Variants in LY96 observed in about 807,000 individuals in gnomAD.
The protein encoded by LY96 is lymphocyte antigen 96, also known as myeloid differentiation protein-2.
LY96 carries 18 observed loss-of-function variants against 18.9 expected under a neutral mutation model. The observed-to-expected ratio is 0.95, with a 90% CI of 0.66 to 1.41. LY96 has a LOEUF of 1.41. Among genes scored for constraint, LY96 ranks in the 40% most tolerant of loss-of-function variants. LY96 has a pLI of 0.00. For missense variants in LY96, 175 were observed against 182.4 expected, an observed-to-expected ratio of 0.96 and a Z score of 0.23; for synonymous variants, 66 against 62.6, an observed-to-expected ratio of 1.06 and a Z score of -0.26.
chr8:74,084,007 G>A, the LY96 span, among the ~76,000 whole-genome samples: 12 of 151,748 alleles, frequency 7.9e-5, no homozygotes, highest in Middle Eastern at 3.4e-3. Context: ...TAATCTACAG[G>A]TTTCCCCTCA....
At chr8:74,080,073 A>G in the LY96 span, among the ~76,000 whole-genome samples, 2 of 152,194 alleles carry the variant, frequency 1.3e-5, no homozygotes, top group Admixed American at 6.5e-5. Flanking sequence ...GAGTGGTGGC[A>G]TTGAACCTGA....
the LY96 span, among the ~76,000 whole-genome samples, chr8:74,049,750 G>A: frequency 6.6e-6 from 1 of 152,198 alleles, no homozygotes; most frequent in Non-Finnish European, 1.5e-5. Context: ...TATAATCTCT[G>A]TTTAGAATCT....
chr8:74,090,776 T>C, the LY96 span, among the ~76,000 whole-genome samples: 15 of 152,224 alleles, frequency 9.9e-5, no homozygotes, highest in Non-Finnish European at 2.9e-5. Context: ...ATAAGATTAG[T>C]TTCTCCAGCA....
intron 3 of LY96, among the ~76,000 whole-genome samples, chr8:74,013,858 T>A (rs931019987): frequency 1.3e-5 from 2 of 152,092 alleles, no homozygotes; most frequent in South Asian, 2.1e-4. Flanking sequence ...AGTGTGAGCA[T>A]GTAACTCATG....
At chr8:74,016,264 C>A (rs1040682542) in intron 3 of LY96, among the ~76,000 whole-genome samples, 1 of 152,218 alleles carries the variant, frequency 6.6e-6, no homozygotes, top group Non-Finnish European at 1.5e-5. Flanking sequence ...TCACTGCTAG[C>A]ACAGCAGTCC....
the LY96 span, among the ~76,000 whole-genome samples, chr8:74,041,219 G>A: frequency 6.6e-6 from 1 of 152,080 alleles, no homozygotes; most frequent in African/African-American, 2.4e-5. Context: ...ACATTTCTCA[G>A]TTCCCCAAAT....
At chr8:73,998,563 G>C (rs1586646545) in intron 1 of LY96, among the ~76,000 whole-genome samples, 1 of 152,032 alleles carries the variant, frequency 6.6e-6, no homozygotes, top group African/African-American at 2.4e-5. Context: ...TGCACCTGTA[G>C]TACTAGCGAC....
the LY96 span, among the ~76,000 whole-genome samples, chr8:74,085,759 CAAAT>C: frequency 6.6e-6 from 1 of 152,012 alleles, no homozygotes; most frequent in South Asian, 2.1e-4. Flanking sequence ...GTATAATTGA[CAAAT>C]AAAATTGTGA....
chr8:74,075,014 A>G, the LY96 span, among the ~76,000 whole-genome samples: 1 of 152,180 alleles, frequency 6.6e-6, no homozygotes, highest in Admixed American at 6.5e-5. Flanking sequence ...ATTCTATAGC[A>G]TAGATTAAGT....
At chr8:74,015,853 G>C (rs1430726502) in intron 3 of LY96, among the ~76,000 whole-genome samples, 2 of 152,196 alleles carry the variant, frequency 1.3e-5, no homozygotes, top group Non-Finnish European at 2.9e-5. Flanking sequence ...TGTGGGCAAA[G>C]CTTCAAGCTA....
intron 1 of LY96, among the ~76,000 whole-genome samples, chr8:73,995,189 C>T (rs1161690801): frequency 8.5e-5 from 13 of 152,312 alleles, no homozygotes; most frequent in East Asian, 7.7e-4. Flanking sequence ...ACAGCAAGAA[C>T]GCCCTTGTCA....
At chr8:73,995,685 G>A (rs531645531) in intron 1 of LY96, among the ~76,000 whole-genome samples, 1 of 152,128 alleles carries the variant, frequency 6.6e-6, no homozygotes, top group Admixed American at 6.5e-5. Context: ...TTAGGCACAT[G>A]CTTTCCTATG....
Position 74,015,630 on chromosome 8 carries a change from T to G in LY96, c.331+5501T>G, listed in dbSNP as rs193224483. 3.3e-5 allele frequency among the ~76,000 whole-genome samples: 5 copies of G among 152,350 alleles called. No individual in the cohort carries two copies. The East Asian group carries it at 9.7e-4, about 29-fold the overall frequency. ...TAAATAAGGTCATGTTCACAGGCACTGGAGGTTAGGGCTTCAACATATCTT... is the reference window on the plus strand; with the variant it reads ...TAAATAAGGTCATGTTCACAGGCACGGGAGGTTAGGGCTTCAACATATCTT... On this transcript the variant is annotated intron_variant, in intron 3 of 4. Transcript: ENST00000284818.
At chr8:73,996,377 C>A (rs966559679) in intron 1 of LY96, among the ~76,000 whole-genome samples, 374 of 30,018 alleles carry the variant, frequency 0.012, 6 homozygotes, top group Non-Finnish European at 0.014. Flanking sequence ...TCATTCCTTT[C>A]TTTCTTTCTT....
In LY96 at chr8:74,029,071, A is replaced by G; in HGVS notation, c.*17A>G. ...TCAAATTAGAATAAATTGAGTATTT[A>G]AAAAAAAATTTAAAGGTATTGTTCC... On this transcript the variant is annotated 3_prime_UTR_variant, in exon 5 of 5. Transcript: ENST00000284818. The G allele has an allele frequency of 6.9e-7, 1 of 1,446,480 alleles. No homozygotes were observed. Among genetic ancestry groups the G allele is most frequent in the African/African-American group, 1.4e-5 (1 of 72,032 alleles). The allele number at this position is 1,446,480 out of a possible 1,614,324, so 89.6% of individuals were successfully genotyped here.
chr8:74,009,014 A>G (rs1029285136), intron 2 of LY96, among the ~76,000 whole-genome samples: 7 of 152,222 alleles, frequency 4.6e-5, no homozygotes, highest in African/African-American at 1.7e-4. Context: ...TCTTTTGATT[A>G]TGGTTACAAT....
the LY96 span, among the ~76,000 whole-genome samples, chr8:74,088,590 T>G: frequency 6.6e-6 from 1 of 151,998 alleles, no homozygotes; most frequent in Non-Finnish European, 1.5e-5. Flanking sequence ...CCTGAGTATT[T>G]ATTTATTTAT....
chr8:74,090,451 AAAT>A, the LY96 span, among the ~76,000 whole-genome samples: 2 of 152,232 alleles, frequency 1.3e-5, no homozygotes, highest in Non-Finnish European at 2.9e-5. Flanking sequence ...GAGCTATAAG[AAAT>A]AACATTAAAA....
chr8:74,068,283 G>A, the LY96 span, among the ~76,000 whole-genome samples: 2 of 151,898 alleles, frequency 1.3e-5, no homozygotes, highest in African/African-American at 4.8e-5. Context: ...AATCCTTTGA[G>A]ATTCATTCAT....
Sources: allele counts gnomAD v4.1 joint callset (sites outside exome capture counted in the v4.1 genomes callset), GRCh38; gene constraint gnomAD v4.1.1; transcripts MANE v1.5; gene names NCBI Gene and HGNC (gene_info 2026-07-23, HGNC 2026-07-21).